The following CCDC171 variants were observed in gnomAD, a reference collection of about 807,000 sequenced individuals.
CCDC171 encodes coiled-coil domain-containing protein 171.
Under a neutral mutation model 168.2 loss-of-function variants are expected in CCDC171, and 177 were observed. The observed-to-expected ratio is 1.05, with a 90% CI of 0.93 to 1.19. CCDC171 has a LOEUF of 1.19. Ranked by LOEUF, CCDC171 falls within the 50% of genes most tolerant of loss-of-function variation. CCDC171 has a pLI of 0.00. For synonymous variants in CCDC171, 687 were observed against 540.8 expected, an observed-to-expected ratio of 1.27 and a Z score of -3.75; for missense variants, 1,991 against 1,539.0, an observed-to-expected ratio of 1.29 and a Z score of -4.91.
chr9:15,730,122 A>G (rs985584699), intron 16 of CCDC171, among the ~76,000 whole-genome samples: 4 of 151,894 alleles, frequency 2.6e-5, no homozygotes, highest in African/African-American at 7.2e-5. Context: ...GTATTTGGTA[A>G]TGTATTGTCA....
chr9:15,704,013 A>G (rs1301081451), intron 11 of CCDC171, among the ~76,000 whole-genome samples: 1 of 152,202 alleles, frequency 6.6e-6, no homozygotes, highest in Admixed American at 6.5e-5. Context: ...TGGAGACACA[A>G]AGAGAGCACA....
At chr9:15,635,205 C>A (rs931252829) in intron 7 of CCDC171, among the ~76,000 whole-genome samples, 6 of 152,146 alleles carry the variant, frequency 3.9e-5, no homozygotes, top group African/African-American at 1.4e-4. Flanking sequence ...GGAAGTCAGT[C>A]GAAGTCTCAA....
chr9:16,094,394 G>A, the CCDC171 span, among the ~76,000 whole-genome samples: 250 of 152,288 alleles, frequency 1.6e-3, no homozygotes, highest in African/African-American at 5.2e-3. Flanking sequence ...TTTATGGAGC[G>A]AGTGCTCGTT....
intron 6 of CCDC171, among the ~76,000 whole-genome samples, chr9:15,598,277 T>G (rs2042542945): frequency 3.3e-5 from 5 of 152,190 alleles, no homozygotes; most frequent in Admixed American, 3.3e-4. Flanking sequence ...CTTTCTCTTG[T>G]GGGCATTTAG....
At chr9:15,791,501 G>A (rs4623531) in intron 21 of CCDC171, among the ~76,000 whole-genome samples, 143,637 of 152,216 alleles carry the variant, frequency 0.94, 67,842 homozygotes, top group East Asian at 1. Context: ...TTGGGCTGAG[G>A]TGATGTGGTT....
chr9:15,629,629 C>G (rs565979099), intron 7 of CCDC171, among the ~76,000 whole-genome samples: 1 of 152,246 alleles, frequency 6.6e-6, no homozygotes, highest in African/African-American at 2.4e-5. Context: ...GAGAACTTCC[C>G]CAATCTAGCA....
chr9:15,693,602 G>C (rs2050986656), intron 10 of CCDC171, among the ~76,000 whole-genome samples: 2 of 152,204 alleles, frequency 1.3e-5, no homozygotes, highest in South Asian at 2.1e-4. Flanking sequence ...ATGTGATAGA[G>C]AGTTGATATA....
chr9:15,725,483 T>C (rs1265403475), intron 14 of CCDC171, among the ~76,000 whole-genome samples: 1 of 152,166 alleles, frequency 6.6e-6, no homozygotes, highest in Admixed American at 6.5e-5. Flanking sequence ...AAAGTCTTGC[T>C]CTGTTGCCTA....
chr9:15,927,613 C>T (rs542616480), intron 25 of CCDC171, among the ~76,000 whole-genome samples: 7 of 151,322 alleles, frequency 4.6e-5, no homozygotes, highest in African/African-American at 9.7e-5. Context: ...AGTGTCTTTG[C>T]GGGAGAAATA....
intron 21 of CCDC171, among the ~76,000 whole-genome samples, chr9:15,809,057 A>G (rs763465150): frequency 3.3e-5 from 5 of 152,192 alleles, no homozygotes; most frequent in Non-Finnish European, 7.3e-5. Flanking sequence ...GTGCTCGTCC[A>G]TGATGGTTTA....
intron 23 of CCDC171, among the ~76,000 whole-genome samples, chr9:15,860,492 C>G (rs1185011917): frequency 6.6e-6 from 1 of 151,770 alleles, no homozygotes; most frequent in Non-Finnish European, 1.5e-5. Flanking sequence ...TATTTTCTAA[C>G]TTTCCTAATG....
At chr9:15,878,960 C>T (rs998601701) in intron 24 of CCDC171, among the ~76,000 whole-genome samples, 1 of 151,892 alleles carries the variant, frequency 6.6e-6, no homozygotes, top group Non-Finnish European at 1.5e-5. Flanking sequence ...CAATTGGGGC[C>T]TTGAGTCTGG....
At chr9:15,985,296 A>G (rs1328268) in intron 3 of CCDC171, among the ~76,000 whole-genome samples, 7,241 of 152,160 alleles carry the variant, frequency 0.048, 369 homozygotes, top group African/African-American at 0.11. Context: ...TTTTCTTCCT[A>G]AGGTTCAAGT....
intron 6 of CCDC171, among the ~76,000 whole-genome samples, chr9:15,613,564 C>T (rs2043863264): frequency 6.7e-6 from 1 of 149,702 alleles, no homozygotes; most frequent in African/African-American, 2.5e-5. Context: ...CGCTCTGTCG[C>T]CAGGCTGGAG....
At chr9:15,985,035 G>T (rs960672703) in intron 3 of CCDC171, among the ~76,000 whole-genome samples, 2 of 152,016 alleles carry the variant, frequency 1.3e-5, no homozygotes, top group African/African-American at 4.8e-5. Flanking sequence ...ACCAGTGGTA[G>T]AATTATGAAT....
intron 10 of CCDC171, among the ~76,000 whole-genome samples, chr9:15,681,050 G>A (rs991308220): frequency 2.6e-5 from 4 of 152,044 alleles, no homozygotes; most frequent in African/African-American, 9.7e-5. Flanking sequence ...GGTACCAACA[G>A]ATTTTTTTTT....
intron 11 of CCDC171, among the ~76,000 whole-genome samples, chr9:15,708,249 G>A (rs2052393602): frequency 1.3e-5 from 2 of 152,308 alleles, no homozygotes; most frequent in East Asian, 1.9e-4. Context: ...CTATAAAATA[G>A]TTCCACACTT....
At chr9:15,930,494 C>G (rs1826382133) in intron 25 of CCDC171, among the ~76,000 whole-genome samples, 1 of 151,402 alleles carries the variant, frequency 6.6e-6, no homozygotes, top group Non-Finnish European at 1.5e-5. Flanking sequence ...TATTTTGGCA[C>G]CCCTACCTCT....
intron 4 of CCDC171, among the ~76,000 whole-genome samples, chr9:16,021,212 C>T (rs992122645): frequency 6.6e-5 from 10 of 152,108 alleles, no homozygotes; most frequent in East Asian, 5.8e-4. Flanking sequence ...CTCAGCCTCC[C>T]GAGTAGCTGG....
Sources: allele counts gnomAD v4.1 joint callset (sites outside exome capture counted in the v4.1 genomes callset), GRCh38; gene constraint gnomAD v4.1.1; transcripts MANE v1.5; gene names NCBI Gene and HGNC (gene_info 2026-07-23, HGNC 2026-07-21).